Variants in PLEKHA6 observed in about 807,000 individuals in gnomAD.
The protein encoded by PLEKHA6 is pleckstrin homology domain containing A6, also known as pleckstrin homology domain-containing family A member 6.
PLEKHA6 carries 60 observed loss-of-function variants against 116.7 expected under a neutral mutation model. That is an observed-to-expected ratio of 0.51 (90% CI 0.42 to 0.64). The LOEUF is 0.64. Among genes scored for constraint, PLEKHA6 ranks in the 30% least tolerant of loss-of-function variants. PLEKHA6 has a pLI of 0.00. For missense variants in PLEKHA6, 1,338 were observed against 1,422.7 expected (o/e 0.94, Z 0.96); for synonymous variants, 489 against 556.1 (o/e 0.88, Z 1.70).
intron 1 of PLEKHA6, among the ~76,000 whole-genome samples, chr1:204,296,802 A>G (rs1270446940): frequency 6.6e-6 from 1 of 152,026 alleles, no homozygotes; most frequent in Admixed American, 6.5e-5. Context: ...CCTCCCACAC[A>G]CTACTCAGAG....
chr1:204,307,020 G>A (rs1345150530), intron 1 of PLEKHA6, among the ~76,000 whole-genome samples: 1 of 152,126 alleles, frequency 6.6e-6, no homozygotes, highest in Non-Finnish European at 1.5e-5. Flanking sequence ...TTTAATGAGA[G>A]ACCCCGAGGA....
Position 204,228,604 on chromosome 1 carries a change from TG to T in PLEKHA6, c.2885+123del. 2.3e-6 allele frequency: 2 copies of T among 872,300 alleles called. No individual in the cohort carries two copies. Among genetic ancestry groups the T allele is most frequent in the Non-Finnish European group, 3.7e-6 (2 of 540,576 alleles). 54.0% of individuals were successfully genotyped at this position (872,300 alleles called of 1,614,324 possible). On this transcript the variant is annotated intron_variant, in intron 20 of 22. Coordinates refer to ENST00000272203, the MANE Select transcript of PLEKHA6 (RefSeq NM_014935.5). The surrounding 1 kb of genome is among the most constrained non-coding windows in gnomAD (Gnocchi z 4.0). ...CGGTAGCTGGGCCCTGTCTGCTGCC[TG>T]GAGTCACCACCTCGATGTGCTCTCC... is the stretch of plus-strand genomic sequence containing the variant.
Position 204,228,333 on chromosome 1 carries a change from A to C in PLEKHA6, c.2886-105T>G. ...TGGCAGGGAGGGCCAGGGCCCCGTG[A>C]ATGTGCAGTCTCTGGTTCCCAGCAA... On this transcript the variant is annotated intron_variant, in intron 20 of 22. Coordinates refer to ENST00000272203, the MANE Select transcript of PLEKHA6 (RefSeq NM_014935.5). This position sits in a 1 kb window ranked among gnomAD's most constrained non-coding sequence, Gnocchi z 4.0. The C allele has an allele frequency of 1.7e-6, 2 of 1,144,882 alleles. No individual in the cohort carries two copies. The highest frequency in any genetic ancestry group is 1.3e-6 in the Non-Finnish European group (1 of 798,204). The allele number at this position is 1,144,882 out of a possible 1,614,324, so 70.9% of individuals were successfully genotyped here. A position where few individuals can be genotyped will look rare whatever the true frequency, so the allele number is the denominator to read the frequency against.
At chr1:204,322,919 A>C (rs1672117130) in intron 1 of PLEKHA6, among the ~76,000 whole-genome samples, 1 of 152,206 alleles carries the variant, frequency 6.6e-6, no homozygotes, top group South Asian at 2.1e-4. Context: ...AGGTCTTCCC[A>C]ACCTAAATCT....
intron 1 of PLEKHA6, among the ~76,000 whole-genome samples, chr1:204,310,939 C>T (rs1364462030): frequency 1.3e-5 from 2 of 152,156 alleles, no homozygotes; most frequent in Admixed American, 6.5e-5. Context: ...TGGGGAGGAA[C>T]TTGCCCTAAT....
At chr1:204,242,834 C>G (rs1323339954) in intron 15 of PLEKHA6, among the ~76,000 whole-genome samples, 1 of 152,206 alleles carries the variant, frequency 6.6e-6, no homozygotes. Flanking sequence ...GGCTTAATAC[C>G]AGCACCCACA....
chr1:204,357,307 G>A (rs921468049), intron 1 of PLEKHA6, among the ~76,000 whole-genome samples: 1 of 152,190 alleles, frequency 6.6e-6, no homozygotes, highest in Admixed American at 6.5e-5. Context: ...GATGTGGAGG[G>A]AGTCTGGACT....
rs1215983421 is a variant in PLEKHA6, at chr1:204,259,674, G to T, written c.591C>A (p.Ser197Arg). 2 of 1,614,012 alleles carry T rather than the reference G, an allele frequency of 1.2e-6. No individual in the cohort carries two copies. The highest frequency in any genetic ancestry group is 2.7e-5 in the African/African-American group (2 of 74,936). Reference sequence around the variant, plus strand: ...TGGCCTCTGGCTCAGGCTTAGGGAGGCTGTTGTGGGGTGGCTGCTGGTGGT... The same window carrying T: ...TGGCCTCTGGCTCAGGCTTAGGGAGTCTGTTGTGGGGTGGCTGCTGGTGGT... The part of the protein sequence containing the change: ...SKHHQQPPHN[S>R]LPKPEPEAKT... Residue 197 changes from serine to arginine, a missense_variant, in exon 8 of 23, where the codon AGC becomes AGA. By Grantham distance (110) the Ser-to-Arg change is moderately radical (BLOSUM62 -1). Around this residue, in one of 3 missense-constraint regions of PLEKHA6, gnomAD observed 1,136 missense variants for 1,163.6 expected, o/e 0.98. Coordinates refer to ENST00000272203, the MANE Select transcript of PLEKHA6 (RefSeq NM_014935.5). The surrounding 1 kb of genome is among the most constrained non-coding windows in gnomAD (Gnocchi z 4.6).
At chr1:204,323,803 T>G (rs1044353955) in intron 1 of PLEKHA6, among the ~76,000 whole-genome samples, 1 of 152,230 alleles carries the variant, frequency 6.6e-6, no homozygotes, top group African/African-American at 2.4e-5. Context: ...TCATTTGATC[T>G]TCACAACAGC....
intron 14 of PLEKHA6, 65 bp downstream of exon 14, chr1:204,245,550 T>C: frequency 1.1e-6 from 1 of 935,664 alleles, no homozygotes; most frequent in Non-Finnish European, 1.7e-6. Flanking sequence ...GGGATGGAGG[T>C]CAGAAATACT....
intron 2 of PLEKHA6, 56 bp downstream of exon 2, chr1:204,274,673 G>A: frequency 1.0e-6 from 1 of 985,800 alleles, no homozygotes; most frequent in Non-Finnish European, 1.2e-6. Flanking sequence ...AGGAGGCAGT[G>A]GGATGGTAGT....
At chr1:204,290,477 A>G (rs1450122396) in intron 1 of PLEKHA6, among the ~76,000 whole-genome samples, 1 of 152,240 alleles carries the variant, frequency 6.6e-6, no homozygotes, top group African/African-American at 2.4e-5. Context: ...ATGAAAACAA[A>G]CAAACAAACA....
chr1:204,235,732 G>A (rs933576849), intron 17 of PLEKHA6, among the ~76,000 whole-genome samples: 1 of 147,748 alleles, frequency 6.8e-6, no homozygotes, highest in Non-Finnish European at 1.5e-5. Flanking sequence ...TGAAGCTGGG[G>A]ACATTGAGTT....
chr1:204,322,623 A>T (rs1558180952), intron 1 of PLEKHA6, among the ~76,000 whole-genome samples: 1 of 152,138 alleles, frequency 6.6e-6, no homozygotes, highest in African/African-American at 2.4e-5. Context: ...TATTATCCAG[A>T]GCTATCAGCC....
chr1:204,235,178 T>C (rs1661859298), intron 17 of PLEKHA6, among the ~76,000 whole-genome samples: 2 of 151,504 alleles, frequency 1.3e-5, no homozygotes, highest in South Asian at 4.2e-4. Flanking sequence ...GGCTGCTTAA[T>C]ATGATTAGAC....
intron 14 of PLEKHA6, 133 bp from the exon 15 acceptor site, chr1:204,245,136 G>T: frequency 5.0e-6 from 3 of 604,634 alleles, no homozygotes; most frequent in Admixed American, 3.6e-5. Context: ...GTGTCTCAGG[G>T]CTACCTGGGC....
intron 1 of PLEKHA6, among the ~76,000 whole-genome samples, chr1:204,307,087 AAAG>A (rs751398172): frequency 2.0e-5 from 3 of 152,240 alleles, no homozygotes; most frequent in Admixed American, 1.3e-4. Flanking sequence ...GGATAAATGA[AAAG>A]AAGAAGAGGT....
intron 1 of PLEKHA6, among the ~76,000 whole-genome samples, chr1:204,322,586 G>A (rs924754116): frequency 1.3e-4 from 20 of 152,036 alleles, no homozygotes; most frequent in Non-Finnish European, 2.2e-4. Flanking sequence ...GGCAGTCCCA[G>A]GCCCCCATAG....
At chr1:204,251,630 C>T (rs932232840) in intron 9 of PLEKHA6, 11 of 702,060 alleles carry the variant, frequency 1.6e-5, no homozygotes, top group Admixed American at 6.0e-5. Flanking sequence ...GAGGAAGGAA[C>T]GGACTATTCA....
Sources: gnomAD v4.1 joint callset for allele counts (sites outside exome capture counted in the v4.1 genomes callset) on GRCh38, gnomAD v4.1.1 for gene constraint, gnomAD v4.1.1 regional missense constraint, Gnocchi (gnomAD v3.1) non-coding constraint, MANE v1.5 for transcripts, NCBI Gene and HGNC (gene_info 2026-07-23, HGNC 2026-07-21) for gene names.